ADAM8: variants seen among roughly 807,000 people sequenced by gnomAD.
The protein encoded by ADAM8 is disintegrin and metalloproteinase domain-containing protein 8.
A neutral mutation model predicts 102.4 loss-of-function variants in ADAM8; 104 were observed. That is an observed-to-expected ratio of 1.02 (90% CI 0.87 to 1.20). The LOEUF (loss-of-function observed/expected upper bound fraction) is 1.20. Among genes scored for constraint, ADAM8 ranks in the 50% most tolerant of loss-of-function variants. The pLI is 0.00. For missense variants in ADAM8, 1,132 were observed against 1,159.0 expected (o/e 0.98, Z 0.34); for synonymous variants, 517 against 485.2 (o/e 1.07, Z -0.86).
chr10:133,271,222 C>G lies in ADAM8; in HGVS notation c.1352G>C (p.Gly451Ala). The stretch of plus-strand genomic sequence containing the variant: ...CACCTTGCACTCCTGGCAGCAGGTA[C>G]CGTGCGCACACTGGGCCCCCTCAGC... ...QLAEGAQCAH[G>A]TCCQECKVKP... Residue 451 changes from glycine (G) to alanine (A), a missense_variant, in exon 13 of 23, where the codon GGT (glycine) becomes GCT (alanine). Coordinates refer to ENST00000445355, the MANE Select transcript of ADAM8 (RefSeq NM_001109.5). The G allele has an allele frequency of 6.2e-7, 1 of 1,611,902 alleles. No individual in the cohort carries two copies. The highest frequency in any genetic ancestry group is 8.5e-7 in the Non-Finnish European group (1 of 1,179,716).
chr10:133,263,638 G>GTGCCACTGTCAGCCCCGTGGGGAGGCCA (rs752660047), intron 22 of ADAM8, 50 bp downstream of exon 22: 352 of 1,480,866 alleles, frequency 2.4e-4, no homozygotes, highest in Non-Finnish European at 3.0e-4. Context: ...TGGGGAGGCC[G>GTGCCACTGTCAGCCCCGTGGGGAGGCCA]TGCCGTCCAT....
At chr10:133,276,702 G>A in intron 1 of ADAM8, 70 bp downstream of exon 1, 4 of 1,508,786 alleles carry the variant, frequency 2.7e-6, no homozygotes, top group Middle Eastern at 1.9e-4. Context: ...CTCGGGGTCC[G>A]CGTCGCGTCC....
chr10:133,267,363 C>A lies in ADAM8; in HGVS notation c.2308G>T (p.Ala770Ser). 6.2e-7 allele frequency: 1 copy of A among 1,609,256 alleles called. No individual in the cohort carries two copies. The highest frequency in any genetic ancestry group is 8.5e-7 in the Non-Finnish European group (1 of 1,178,718). Residue 770 changes from alanine to serine, a missense_variant, in exon 21 of 23, where the codon GCA becomes TCA. By Grantham distance (99) the Ala-to-Ser change is moderately conservative. Coordinates refer to ENST00000445355, the MANE Select transcript of ADAM8 (RefSeq NM_001109.5). The stretch of plus-strand genomic sequence containing the variant: ...TCACCACTGCTCACCTGCTTTGGTG[C>A]CTGCCGGGTGTAGACAGGAACTGGG... ...PFPVPVYTRQ[A>S]PKQVIKPTFA...
rs1846538850 is a variant in ADAM8 at position 133,271,819 on chromosome 10, C to T, written c.1093G>A (p.Ala365Thr). ...ERFEAGRCIM[A>T]GSIGSSFPRM... Reference sequence around the variant, plus strand: ...TGGCCGCCTCACCCAATGCTGCCCGCCATGATGCAGCGGCCGGCCTCGAAG... The same window carrying T: ...TGGCCGCCTCACCCAATGCTGCCCGTCATGATGCAGCGGCCGGCCTCGAAG... Residue 365 changes from alanine to threonine, a missense_variant, in exon 11 of 23, where the codon GCG (alanine) becomes ACG (threonine). Coordinates refer to ENST00000445355, the MANE Select transcript of ADAM8 (RefSeq NM_001109.5). 2.5e-6 allele frequency: 4 copies of T among 1,611,858 alleles called. No homozygotes were observed. The highest frequency in any genetic ancestry group is 1.3e-5 in the African/African-American group (1 of 74,906).
chr10:133,270,821 C>G lies in ADAM8; in HGVS notation c.1565-16G>C, dbSNP rs561598864. 2 of 1,611,324 alleles carry G rather than the reference C, an allele frequency of 1.2e-6. No individual in the cohort carries two copies. The highest frequency in any genetic ancestry group is 8.5e-7 in the Non-Finnish European group (1 of 1,179,144). On this transcript the variant is annotated splice_polypyrimidine_tract_variant and intron_variant, in intron 14 of 22. Coordinates refer to ENST00000445355, the MANE Select transcript of ADAM8 (RefSeq NM_001109.5). The stretch of plus-strand genomic sequence containing the variant: ...GCCTGCCCACCTGTGGGACCAGAAG[C>G]GGGTTAGCCCTGGCAAGGCCTGCAG...
intron 8 of ADAM8, 52 bp downstream of exon 8, chr10:133,272,746 C>CCT: frequency 6.4e-7 from 1 of 1,562,900 alleles, no homozygotes; most frequent in Non-Finnish European, 8.7e-7. Flanking sequence ...CAACACCCCC[C>CCT]CCACCTCCCG....
At position 133,262,983 on chromosome 10, in the gene ADAM8, G is replaced by A; in HGVS notation, c.*173C>T. The stretch of plus-strand genomic sequence containing the variant: ...AGGCGGGGAGAAGGAATTGGCTGAG[G>A]GCGTGGACAGCAGGAGCCTCTCAGG... On this transcript the variant is annotated 3_prime_UTR_variant, in exon 23 of 23. Coordinates refer to ENST00000445355, the MANE Select transcript of ADAM8 (RefSeq NM_001109.5). The A allele has an allele frequency of 7.5e-6, 6 of 796,496 alleles. 1 individual carries two copies. The South Asian group carries it at 7.8e-5, about 10-fold the overall frequency. 49.3% of individuals were successfully genotyped at this position (796,496 alleles called of 1,614,324 possible).
Position 133,268,180 on chromosome 10 carries a change from C to T in ADAM8, c.2064-62G>A, listed in dbSNP as rs2995309. 2.8e-5 allele frequency: 35 copies of T among 1,230,104 alleles called. 1 individual carries two copies. In the Middle Eastern group the frequency reaches 7.3e-4, roughly 26 times the overall value. The allele number at this position is 1,230,104 out of a possible 1,614,324, so 76.2% of individuals were successfully genotyped here. A position where few individuals can be genotyped will look rare whatever the true frequency, so the allele number is the denominator to read the frequency against. On this transcript the variant is annotated intron_variant, in intron 19 of 22. Transcript: ENST00000445355. The stretch of plus-strand genomic sequence containing the variant: ...GCCATGGGGCCCCAGCACCACACCC[C>T]GAGTCTCTCCCTCCCAGCTCCAGCC...
At chr10:133,270,053 TG>T in intron 16 of ADAM8, 79 bp from the exon 17 acceptor site, 1 of 1,511,688 alleles carries the variant, frequency 6.6e-7, no homozygotes. Context: ...CATGGTAAGC[TG>T]GGGGTGGGCT....
intron 2 of ADAM8, 48 bp from the exon 3 acceptor site, chr10:133,274,283 G>A (rs927231457): frequency 3.4e-6 from 5 of 1,488,048 alleles, no homozygotes; most frequent in Non-Finnish European, 4.5e-6. Context: ...CCCGGGCTGT[G>A]CCCACCTCAA....
intron 22 of ADAM8, among the ~76,000 whole-genome samples, chr10:133,263,486 C>T (rs1241761650): frequency 6.6e-6 from 1 of 152,192 alleles, no homozygotes; most frequent in Non-Finnish European, 1.5e-5. Context: ...TCGGCATCTG[C>T]TGAGAAGTCC....
rs753178277 is a variant in ADAM8, at chr10:133,273,274, C to T, written c.553G>A (p.Val185Ile). 1.0e-5 allele frequency: 16 copies of T among 1,601,026 alleles called. No individual in the cohort carries two copies. Among genetic ancestry groups the T allele is most frequent in the Middle Eastern group, 2.2e-4 (1 of 4,616 alleles). ...CTCACCCCGGGCCGAGGCCTGAAGA[C>T]GGCTGCCGTCCGGGGTCCCAGGAGG... ...GSLLGPRTAA[V>I]FRPRPGDSLP... The change falls in exon 6 of 23, where the codon GTC becomes ATC. Residue 185 changes from valine (V) to isoleucine (I), a missense_variant. Val to Ile is a conservative substitution (Grantham distance 29). Coordinates refer to ENST00000445355, the MANE Select transcript of ADAM8 (RefSeq NM_001109.5).
intron 12 of ADAM8, 67 bp downstream of exon 12, chr10:133,271,461 C>G: frequency 6.7e-6 from 10 of 1,498,956 alleles, no homozygotes; most frequent in South Asian, 1.3e-5. Flanking sequence ...AGTGGTCACC[C>G]TGGCCTGAAG....
rs756350439 is a variant in ADAM8 at position 133,270,942 on chromosome 10, G to A, written c.1503C>T (p.Gly501=). ...TGGGACAGGCCCCGTTGTAGCAGTA[G>A]CCCCCGGAGCAGGGCGTGCCGTTCT... is the stretch of plus-strand genomic sequence containing the variant. ...FQENGTPCSG[G]YCYNGACPTL... is the part of the protein sequence containing the mutation. The change falls in exon 14 of 23, where the codon GGC becomes GGT. Residue 501 remains glycine, a synonymous_variant. Coordinates refer to ENST00000445355, the MANE Select transcript of ADAM8 (RefSeq NM_001109.5). The A allele has an allele frequency of 2.1e-5, 34 of 1,612,784 alleles. No individual in the cohort carries two copies. Among genetic ancestry groups the A allele is most frequent in the Non-Finnish European group, 2.9e-5 (34 of 1,179,912 alleles).
chr10:133,269,404 C>A, intron 18 of ADAM8, 41 bp downstream of exon 18: 1 of 1,472,526 alleles, frequency 6.8e-7, no homozygotes, highest in Non-Finnish European at 9.0e-7. Context: ...GCCCTCTGAG[C>A]TTGGACCCCA....
intron 18 of ADAM8, 136 bp downstream of exon 18, chr10:133,269,309 G>A (rs1846438696): frequency 1.6e-6 from 2 of 1,241,116 alleles, no homozygotes; most frequent in Admixed American, 3.1e-5. Flanking sequence ...GCCTATACCT[G>A]TGTGTCGATG....
chr10:133,271,290 C>G lies in ADAM8; in HGVS notation c.1285-1G>C. The stretch of plus-strand genomic sequence containing the variant: ...AGTTGCAGCAGCGGTTCCGGCAGTC[C>G]TGGGGCGACGGCAAAGGCCTTGGCA... On this transcript the variant is annotated splice_acceptor_variant, in intron 12 of 22. Coordinates refer to ENST00000445355, the MANE Select transcript of ADAM8 (RefSeq NM_001109.5). LOFTEE classifies it high-confidence loss of function. 1 of 1,609,298 alleles carries G rather than the reference C, an allele frequency of 6.2e-7. No homozygotes were observed.
chr10:133,267,839 G>A lies in ADAM8; in HGVS notation c.2253+90C>T, dbSNP rs894635961. The A allele has an allele frequency of 3.4e-6, 4 of 1,166,628 alleles. No individual in the cohort carries two copies. In the African/African-American group the frequency reaches 6.4e-5, roughly 19 times the overall value. The allele number at this position is 1,166,628 out of a possible 1,614,324, so 72.3% of individuals were successfully genotyped here. On this transcript the variant is annotated intron_variant, in intron 20 of 22. Coordinates refer to ENST00000445355, the MANE Select transcript of ADAM8 (RefSeq NM_001109.5). ...GCCTGTGCGTGAATTTAATGAAAGG[G>A]CTCTGCTGGCCTCGGGCTGCACTTG... is the stretch of plus-strand genomic sequence containing the variant.
intron 2 of ADAM8, 28 bp downstream of exon 2, chr10:133,275,456 G>A: frequency 4.7e-6 from 7 of 1,493,958 alleles, no homozygotes; most frequent in Non-Finnish European, 6.3e-6. Context: ...GCCAGCCAGG[G>A]ACCCTCCCCA....
Sources: gnomAD v4.1 joint callset for allele counts (sites outside exome capture counted in the v4.1 genomes callset) on GRCh38, gnomAD v4.1.1 for gene constraint, MANE v1.5 for transcripts, NCBI Gene and HGNC (gene_info 2026-07-23, HGNC 2026-07-21) for gene names.